TTC3: variants seen among roughly 807,000 people sequenced by gnomAD.
The protein encoded by TTC3 is tetratricopeptide repeat domain 3.
Under a neutral mutation model 249.6 loss-of-function variants are expected in TTC3, and 180 were observed. That is an observed-to-expected ratio of 0.72 (90% confidence interval 0.64 to 0.82). The LOEUF (loss-of-function observed/expected upper bound fraction) is 0.82, where lower values mean the gene tolerates loss of function less well. Ranked by LOEUF, TTC3 falls within the 40% of genes least tolerant of loss-of-function variation. TTC3 has a pLI of 0.00. For missense variants in TTC3, 2,061 were observed against 2,398.4 expected (o/e 0.86, Z 2.94); for synonymous variants, 717 against 805.0 (o/e 0.89, Z 1.85).
intron 39 of TTC3, among the ~76,000 whole-genome samples, chr21:37,190,111 T>C (rs1042342896): frequency 1.3e-5 from 2 of 150,560 alleles, no homozygotes; most frequent in Admixed American, 1.3e-4. Context: ...ACAGTTTTAG[T>C]GTATAGTTCT....
Position 37,148,489 on chromosome 21 carries a change from A to G in TTC3, c.2017-57A>G, listed in dbSNP as rs939026493. ...CTCTGTCTTTATGTATGTTGTAGTG[A>G]GTGAGTGTGCAGAGACATCTTTAAA... is the stretch of plus-strand genomic sequence containing the variant. On this transcript the variant is annotated intron_variant, in intron 22 of 45. Transcript: ENST00000355666. 25 of 852,284 alleles carry G rather than the reference A, an allele frequency of 2.9e-5. No homozygotes were observed. In the African/African-American group the frequency reaches 4.2e-4, roughly 14 times the overall value. The allele number at this position is 852,284 out of a possible 1,614,324, so 52.8% of individuals were successfully genotyped here.
At chr21:37,160,577 A>G (rs2080614012) in intron 29 of TTC3, among the ~76,000 whole-genome samples, 1 of 140,298 alleles carries the variant, frequency 7.1e-6, no homozygotes, top group Non-Finnish European at 1.5e-5. Flanking sequence ...TAAGATAAAA[A>G]TGTTGGAACA....
chr21:37,169,568 T>A (rs960734807), intron 34 of TTC3, among the ~76,000 whole-genome samples: 1 of 150,396 alleles, frequency 6.6e-6, no homozygotes, highest in Non-Finnish European at 1.5e-5. Flanking sequence ...GATGGTAGAT[T>A]GGCTGGGTGT....
chr21:37,202,741 A>G (rs1056242269), exon 46 of TTC3: 1 of 152,224 alleles, frequency 6.6e-6, no homozygotes, highest in African/African-American at 2.4e-5. Flanking sequence ...GGATCAAAAA[A>G]TGTTTTTCAA....
intron 12 of TTC3, among the ~76,000 whole-genome samples, chr21:37,122,433 TATATTA>T (rs992696804): frequency 2.6e-4 from 7 of 26,608 alleles, no homozygotes; most frequent in African/African-American, 6.6e-4. Context: ...TATATATATA[TATATTA>T]TATATATATA....
intron 28 of TTC3, 110 bp from the exon 29 acceptor site, chr21:37,159,589 T>G: frequency 8.1e-7 from 1 of 1,230,486 alleles, no homozygotes; most frequent in Non-Finnish European, 1.1e-6. Context: ...AAATAAGGAA[T>G]AGAACATGGC....
rs959682827 is a variant in TTC3 at position 37,191,542 on chromosome 21, T to G, written c.5115+118T>G. 2.0e-5 allele frequency: 12 copies of G among 602,106 alleles called. 1 individual carries two copies. Among genetic ancestry groups the G allele is most frequent in the Non-Finnish European group, 2.9e-5 (11 of 379,118 alleles). The allele number at this position is 602,106 out of a possible 1,614,324, so 37.3% of individuals were successfully genotyped here. A position where few individuals can be genotyped will look rare whatever the true frequency, so the allele number is the denominator to read the frequency against. ...ATCTATTATTATCAATAATTTTTTT[T>G]GTTGAAAGTATTATGAGCTTTTCAT... is the stretch of plus-strand genomic sequence containing the variant. On this transcript the variant is annotated intron_variant, in intron 40 of 45. Transcript: ENST00000355666.
At chr21:37,177,114 A>G (rs559420725) in intron 35 of TTC3, among the ~76,000 whole-genome samples, 2 of 151,550 alleles carry the variant, frequency 1.3e-5, no homozygotes, top group African/African-American at 4.8e-5. Context: ...TCTTGCCTAC[A>G]TATCTGGGTT....
chr21:37,147,592 C>G, exon 22 of TTC3: 2 of 1,602,400 alleles, frequency 1.2e-6, no homozygotes, highest in Non-Finnish European at 1.7e-6. Context: ...CATAACTGAT[C>G]CAGACTTTAA....
At chr21:37,114,658 T>G (rs577821205) in intron 11 of TTC3, among the ~76,000 whole-genome samples, 12 of 152,224 alleles carry the variant, frequency 7.9e-5, no homozygotes, top group African/African-American at 2.9e-4. Context: ...GAAATACCAT[T>G]TGACCCAGCC....
Position 37,163,591 on chromosome 21 carries a change from C to T in TTC3, c.3171-460C>T, listed in dbSNP as rs1469546915. Reference sequence around the variant, plus strand: ...TCTCGAACTCCTGACCTCAAGTGATCTGCCTGCCTTGGCCTCCCAAAGTGC... The same window carrying T: ...TCTCGAACTCCTGACCTCAAGTGATTTGCCTGCCTTGGCCTCCCAAAGTGC... On this transcript the variant is annotated intron_variant, in intron 31 of 45. Transcript: ENST00000355666. Among the ~76,000 whole-genome samples, 3 of 152,288 alleles carry T rather than the reference C, an allele frequency of 2.0e-5. No homozygotes were observed. In the East Asian group the frequency reaches 5.8e-4, roughly 29 times the overall value.
chr21:37,110,878 A>T (rs1679484661), intron 11 of TTC3, among the ~76,000 whole-genome samples: 1 of 152,372 alleles, frequency 6.6e-6, no homozygotes. Context: ...TCTACAAGCC[A>T]GAAGAGAGTG....
At chr21:37,073,433 C>T in intron 1 of TTC3, 4 of 986,570 alleles carry the variant, frequency 4.1e-6, no homozygotes, top group Non-Finnish European at 4.8e-6. Flanking sequence ...GCCGAGATGC[C>T]GGGGGAGCGG....
At chr21:37,186,487 G>A (rs976342374) in intron 37 of TTC3, among the ~76,000 whole-genome samples, 7 of 152,092 alleles carry the variant, frequency 4.6e-5, no homozygotes, top group Non-Finnish European at 7.4e-5. Context: ...TGTCACCCAG[G>A]CTGGAATGCA....
intron 1 of TTC3, chr21:37,082,436 T>C: frequency 1.0e-6 from 1 of 956,536 alleles, no homozygotes; most frequent in Non-Finnish European, 1.2e-6. Flanking sequence ...GTGGTGATCT[T>C]GAGAGTCTAA....
intron 32 of TTC3, among the ~76,000 whole-genome samples, chr21:37,165,269 T>C (rs2081146845): frequency 6.6e-6 from 1 of 152,192 alleles, no homozygotes; most frequent in Non-Finnish European, 1.5e-5. Context: ...ATTATGTAAT[T>C]ACATAGTTGA....
chr21:37,154,209 A>T (rs1411672724), intron 27 of TTC3, among the ~76,000 whole-genome samples: 1 of 152,254 alleles, frequency 6.6e-6, no homozygotes, highest in Admixed American at 6.5e-5. Flanking sequence ...AAAGTACGCC[A>T]CGGGAAAAAG....
exon 7 of TTC3, chr21:37,091,367 A>G (rs183664470): frequency 1.2e-6 from 2 of 1,611,234 alleles, no homozygotes; most frequent in Admixed American, 3.3e-5. Flanking sequence ...CTAAATTAGG[A>G]TCAATTGACA....
chr21:37,196,470 C>T (rs1342430688), intron 42 of TTC3, among the ~76,000 whole-genome samples: 2 of 152,128 alleles, frequency 1.3e-5, no homozygotes, highest in Non-Finnish European at 2.9e-5. Context: ...CTTCTGACCT[C>T]AAGTGATTCA....
Sources: gnomAD v4.1 joint callset for allele counts (sites outside exome capture counted in the v4.1 genomes callset) on GRCh38, gnomAD v4.1.1 for gene constraint, MANE v1.5 for transcripts, NCBI Gene and HGNC (gene_info 2026-07-23, HGNC 2026-07-21) for gene names.